The following HMGCL variants were observed in gnomAD, a reference collection of about 807,000 sequenced individuals.
HMGCL encodes the protein 3-hydroxy-3-methylglutaryl-CoA lyase.
Under a neutral mutation model 37.3 loss-of-function variants are expected in HMGCL, and 26 were observed. The observed-to-expected ratio is 0.70, with a 90% CI of 0.51 to 0.97. HMGCL has a LOEUF of 0.97. Among genes scored for constraint, HMGCL ranks in the 50% least tolerant of loss-of-function variants. HMGCL has a pLI of 0.00. For missense variants in HMGCL, 379 were observed against 398.1 expected (o/e 0.95, Z 0.41); for synonymous variants, 151 against 148.0 (o/e 1.02, Z -0.15).
intron 8 of HMGCL, chr1:23,803,894 C>T (rs1233546575): frequency 6.2e-6 from 1 of 161,222 alleles, no homozygotes; most frequent in Non-Finnish European, 1.4e-5. Flanking sequence ...TTACAGAGAA[C>T]AAAACAAAGC....
At chr1:23,812,715 G>A (rs2148421566) in intron 5 of HMGCL, among the ~76,000 whole-genome samples, 1 of 152,300 alleles carries the variant, frequency 6.6e-6, no homozygotes, top group South Asian at 2.1e-4. Context: ...GGGCTGGAGT[G>A]TACCATGAAG....
Position 23,817,477 on chromosome 1 carries a change from T to G in HMGCL, c.251A>C (p.Gln84Pro), listed in dbSNP as rs1312974623. The G allele has an allele frequency of 6.3e-7, 1 of 1,591,290 alleles. No homozygotes were observed. The highest frequency in any genetic ancestry group is 2.2e-5 in the East Asian group (1 of 44,756). ...TSFVSPKWVPQMGDHTEVLKG... is the reference protein window; with the variant it reads ...TSFVSPKWVPPMGDHTEVLKG... ...CTTTCATTGAGGGCTAGGGCTCACC[T>G]GGGGAACCCACTTAGGAGACACAAA... The change falls in exon 3 of 9, where the codon CAG becomes CCG. Residue 84 changes from glutamine to proline, a missense_variant and splice_region_variant. By Grantham distance (76) the Gln-to-Pro change is moderately conservative. Coordinates refer to ENST00000374490, the MANE Select transcript of HMGCL (RefSeq NM_000191.3).
In HMGCL at chr1:23,814,194, G is replaced by A. The variant is rs764039230; in HGVS notation, c.493C>T (p.Arg165Trp). The A allele has an allele frequency of 2.7e-5, 43 of 1,613,422 alleles. No individual in the cohort carries two copies. Among genetic ancestry groups the A allele is most frequent in the Non-Finnish European group, 3.5e-5 (41 of 1,179,968 alleles). Residue 165 changes from arginine to tryptophan, a missense_variant, in exon 5 of 9, where the codon CGG (arginine) becomes TGG (tryptophan). Arg to Trp is a moderately radical substitution (Grantham distance 101). Transcript: ENST00000374490. ...TACCAATGTGCTCTGACTCACCCCC[G>A]CACAGAAATATTGGCTGACTGCGCT... ...KAAQSANISV[R>W]GYVSCALGCP...
chr1:23,817,780 C>A (rs1638638596), intron 2 of HMGCL, among the ~76,000 whole-genome samples, 197 bp from the exon 3 acceptor site: 1 of 152,214 alleles, frequency 6.6e-6, no homozygotes. Context: ...AATTTATAAT[C>A]CCATCATAAA....
At chr1:23,820,170 C>T (rs1415985540) in intron 2 of HMGCL, among the ~76,000 whole-genome samples, 1 of 152,150 alleles carries the variant, frequency 6.6e-6, no homozygotes, top group Admixed American at 6.5e-5. Flanking sequence ...TGTTGCACCA[C>T]CATTCAGTTT....
intron 6 of HMGCL, chr1:23,809,266 T>A (rs1204208657): frequency 9.3e-5 from 12 of 129,260 alleles, no homozygotes; most frequent in Non-Finnish European, 1.8e-4. Flanking sequence ...TTAGATGGAG[T>A]CTCCCTCTGT....
At chr1:23,817,789 A>G (rs1043499387) in intron 2 of HMGCL, among the ~76,000 whole-genome samples, 2 of 152,216 alleles carry the variant, frequency 1.3e-5, no homozygotes, top group African/African-American at 4.8e-5. Flanking sequence ...TCCCATCATA[A>G]ACAAACTGAG....
chr1:23,822,085 G>C (rs1039711798), intron 1 of HMGCL, among the ~76,000 whole-genome samples: 19 of 152,156 alleles, frequency 1.2e-4, no homozygotes, highest in African/African-American at 4.3e-4. Flanking sequence ...TTCATCCCTA[G>C]TGTTTGGCAC....
At chr1:23,824,806 G>T (rs1435259643) in intron 1 of HMGCL, among the ~76,000 whole-genome samples, 2 of 152,194 alleles carry the variant, frequency 1.3e-5, no homozygotes, top group Non-Finnish European at 2.9e-5. Context: ...GCTCCATACA[G>T]CTACGTCTCC....
chr1:23,818,162 A>G (rs1638648969), intron 2 of HMGCL, among the ~76,000 whole-genome samples: 1 of 152,176 alleles, frequency 6.6e-6, no homozygotes. Context: ...AAAAAATTCT[A>G]AGAACTCCAG....
intron 1 of HMGCL, among the ~76,000 whole-genome samples, chr1:23,824,928 C>G (rs184308518): frequency 1.3e-4 from 20 of 152,266 alleles, no homozygotes; most frequent in South Asian, 2.1e-4. Context: ...AAGTCCCGCT[C>G]GGTAGGCTGG....
chr1:23,806,453 A>G lies in HMGCL; in HGVS notation c.750+1682T>C, dbSNP rs976376684. On this transcript the variant is annotated intron_variant, in intron 7 of 8. Coordinates refer to ENST00000374490, the MANE Select transcript of HMGCL (RefSeq NM_000191.3). The surrounding 1 kb of genome is among the most constrained non-coding windows in gnomAD (Gnocchi z 4.0). ...ACATGCCTCCTCCTGATCCCTGAAC[A>G]CAGCAAGCACACTCCTCCCTCAGGG... 3.3e-5 allele frequency among the ~76,000 whole-genome samples: 5 copies of G among 151,994 alleles called. No individual in the cohort carries two copies. The East Asian group carries it at 9.6e-4, about 29-fold the overall frequency.
At chr1:23,810,637 G>A in intron 6 of HMGCL, 99 bp downstream of exon 6, 1 of 994,048 alleles carries the variant, frequency 1.0e-6, no homozygotes, top group Non-Finnish European at 1.6e-6. Flanking sequence ...AATGAAGTCA[G>A]GAACCTGCCA....
At chr1:23,819,734 AACAC>A (rs149911009) in intron 2 of HMGCL, among the ~76,000 whole-genome samples, 4 of 151,590 alleles carry the variant, frequency 2.6e-5, no homozygotes, top group Admixed American at 6.6e-5. Flanking sequence ...ATCTCCCAAA[AACAC>A]ACACACACAC....
Position 23,802,415 on chromosome 1 carries a change from G to T in HMGCL, c.*48C>A. ...GTCCCCATCCATGAATCATCTGTGT[G>T]TGCCCCTATTTCCACATCATCCCCA... On this transcript the variant is annotated 3_prime_UTR_variant, in exon 9 of 9. Coordinates refer to ENST00000374490, the MANE Select transcript of HMGCL (RefSeq NM_000191.3). 9.2e-7 allele frequency: 1 copy of T among 1,082,606 alleles called. No homozygotes were observed. The highest frequency in any genetic ancestry group is 1.4e-6 in the Non-Finnish European group (1 of 694,578). The allele number at this position is 1,082,606 out of a possible 1,614,324, so 67.1% of individuals were successfully genotyped here. A position where few individuals can be genotyped will look rare whatever the true frequency, so the allele number is the denominator to read the frequency against.
At chr1:23,808,063 G>T in intron 7 of HMGCL, 72 bp downstream of exon 7, 1 of 1,413,024 alleles carries the variant, frequency 7.1e-7, no homozygotes, top group Non-Finnish European at 1.0e-6. Flanking sequence ...AATGTTTGCT[G>T]AAAGAATAAA....
In HMGCL at chr1:23,806,113, A is replaced by G. The variant is rs957295018; in HGVS notation, c.751-1588T>C. Among the ~76,000 whole-genome samples the G allele has an allele frequency of 6.6e-6, 1 of 152,042 alleles. No individual in the cohort carries two copies. Among genetic ancestry groups the G allele is most frequent in the Non-Finnish European group, 1.5e-5 (1 of 68,010 alleles). ...ATTACAGGCTCACGCCACCACGCCC[A>G]GCTAATTTTTATATTTTTAGTTGAG... On this transcript the variant is annotated intron_variant, in intron 7 of 8. Transcript: ENST00000374490. The surrounding 1 kb of genome is among the most constrained non-coding windows in gnomAD (Gnocchi z 4.0).
chr1:23,803,874 T>A (rs1311230312), intron 8 of HMGCL: 1 of 158,072 alleles, frequency 6.3e-6, no homozygotes, highest in African/African-American at 2.4e-5. Context: ...CTAACGCTAC[T>A]GTCCTCATTT....
chr1:23,816,045 G>C lies in HMGCL; in HGVS notation c.348+630C>G, dbSNP rs558104129. Among the ~76,000 whole-genome samples, 17 of 150,826 alleles carry C rather than the reference G, an allele frequency of 1.1e-4. No individual in the cohort carries two copies. In the South Asian group the frequency reaches 3.6e-3, roughly 32 times the overall value. ...GCCATCCTGTGCCTCAGTCTCCCGA[G>C]TAGCTAGGACTACAGGTGCATGCCA... On this transcript the variant is annotated intron_variant, in intron 4 of 8. Coordinates refer to ENST00000374490, the MANE Select transcript of HMGCL (RefSeq NM_000191.3).
Sources: allele counts gnomAD v4.1 joint callset (sites outside exome capture counted in the v4.1 genomes callset), GRCh38; gene constraint gnomAD v4.1.1; non-coding constraint Gnocchi (gnomAD v3.1); transcripts MANE v1.5; gene names NCBI Gene and HGNC (gene_info 2026-07-23, HGNC 2026-07-21).